Variants in PALS2 observed in about 807,000 individuals in gnomAD.
The protein encoded by PALS2 is protein PALS2.
Under a neutral mutation model 61.6 loss-of-function variants are expected in PALS2, and 27 were observed. The observed-to-expected ratio is 0.44, with a 90% confidence interval of 0.32 to 0.60. The LOEUF (loss-of-function observed/expected upper bound fraction) is 0.60. Among genes scored for constraint, PALS2 ranks in the 20% least tolerant of loss-of-function variants. PALS2 has a pLI of 0.05. For missense variants in PALS2, 554 were observed against 639.4 expected, an observed-to-expected ratio of 0.87 and a Z score of 1.44; for synonymous variants, 236 against 218.6, an observed-to-expected ratio of 1.08 and a Z score of -0.70.
Position 24,641,733 on chromosome 7 carries a change from A to C in PALS2, c.135A>C (p.Glu45Asp), listed in dbSNP as rs1383196417. Residue 45 changes from glutamate (E) to aspartate (D), a missense_variant, in exon 3 of 12, where the codon GAA becomes GAC. By Grantham distance (45) the Glu-to-Asp change is conservative. Coordinates refer to ENST00000222644, the MANE Select transcript of PALS2 (RefSeq NM_001303037.2). ...TTTTTCAGGCTCATGAGAGGCTAGA[A>C]GATTCCAAACTAGAAGCTGTCAGTG... ...KSLAKAHERL[E>D]DSKLEAVSDN... The C allele has an allele frequency of 2.5e-6, 4 of 1,610,694 alleles. No individual in the cohort carries two copies. In the Admixed American group the frequency reaches 5.0e-5, roughly 20 times the overall value.
intron 1 of PALS2, among the ~76,000 whole-genome samples, chr7:24,594,863 T>C (rs557960491): frequency 6.6e-6 from 1 of 152,198 alleles, no homozygotes; most frequent in East Asian, 1.9e-4. Flanking sequence ...ACTGGCATAA[T>C]AGTAATGAAA....
rs139565554 is a variant in PALS2, at chr7:24,595,228, A to G, written c.-3+21635A>G. 4.9e-3 allele frequency among the ~76,000 whole-genome samples: 735 copies of G among 151,542 alleles called. 8 individuals are homozygous for G. Among genetic ancestry groups the G allele is most frequent in the African/African-American group, 0.017 (697 of 41,340 alleles). ...GATCAAACAGCTATTCATTGTTGCT[A>G]TTAAGATAGGCAATACGGGAGGAAG... On this transcript the variant is annotated intron_variant, in intron 1 of 11. Transcript: ENST00000222644.
At chr7:24,627,214 A>G (rs766346669) in intron 2 of PALS2, among the ~76,000 whole-genome samples, 222 of 152,350 alleles carry the variant, frequency 1.5e-3, no homozygotes, top group Admixed American at 2.0e-3. Context: ...TAAGAAACTC[A>G]AAACCATACA....
rs534633143 is a variant in PALS2 at position 24,617,555 on chromosome 7, C to T, written c.-2-6111C>T. ...TTGAAAAAACTTAGAGTATTGGTTG[C>T]GTGGGGTGCATTCACTTTGTTTTTA... On this transcript the variant is annotated intron_variant, in intron 1 of 11. Coordinates refer to ENST00000222644, the MANE Select transcript of PALS2 (RefSeq NM_001303037.2). Among the ~76,000 whole-genome samples, 11 of 152,260 alleles carry T rather than the reference C, an allele frequency of 7.2e-5. No individual in the cohort carries two copies. The East Asian group carries it at 1.9e-3, about 27-fold the overall frequency.
chr7:24,639,417 C>T (rs2128069416), intron 2 of PALS2, among the ~76,000 whole-genome samples: 1 of 152,040 alleles, frequency 6.6e-6, no homozygotes, highest in East Asian at 1.9e-4. Context: ...CACACACACA[C>T]ACACACACAC....
intron 1 of PALS2, among the ~76,000 whole-genome samples, chr7:24,584,361 G>T (rs1252788005): frequency 2.0e-5 from 3 of 150,586 alleles, no homozygotes; most frequent in Non-Finnish European, 4.4e-5. Context: ...ATTCTAACTG[G>T]TGTGAGATGG....
intron 11 of PALS2, among the ~76,000 whole-genome samples, chr7:24,686,788 A>T (rs1788227468): frequency 6.6e-6 from 1 of 152,234 alleles, no homozygotes; most frequent in African/African-American, 2.4e-5. Context: ...TGAAATTCAA[A>T]ACACCATCTT....
chr7:24,588,644 T>A (rs1478115495), intron 1 of PALS2, among the ~76,000 whole-genome samples: 1 of 152,226 alleles, frequency 6.6e-6, no homozygotes, highest in Non-Finnish European at 1.5e-5. Context: ...GGAGTTCTTT[T>A]AGAATGATTT....
chr7:24,619,870 C>T (rs1784429934), intron 1 of PALS2, among the ~76,000 whole-genome samples: 1 of 152,068 alleles, frequency 6.6e-6, no homozygotes, highest in Non-Finnish European at 1.5e-5. Flanking sequence ...TCCTTTCTTC[C>T]CGAAATCTCT....
chr7:24,633,484 G>C (rs2529087), intron 2 of PALS2, among the ~76,000 whole-genome samples: 128,769 of 139,028 alleles, frequency 0.93, 59,750 homozygotes, highest in East Asian at 1. Context: ...CCACCCCGAT[G>C]TTTCAGTATT....
chr7:24,575,754 T>C (rs544628268), intron 1 of PALS2, among the ~76,000 whole-genome samples: 1 of 152,286 alleles, frequency 6.6e-6, no homozygotes, highest in Admixed American at 6.5e-5. Context: ...ACAGGATTAG[T>C]GCTAGTCAAA....
intron 3 of PALS2, among the ~76,000 whole-genome samples, chr7:24,644,048 A>T (rs1263760365): frequency 6.6e-6 from 1 of 150,752 alleles, no homozygotes; most frequent in African/African-American, 2.4e-5. Context: ...GTACCTACTG[A>T]TGAACACAAG....
At chr7:24,634,074 ATTTATT>A (rs1393961057) in intron 2 of PALS2, among the ~76,000 whole-genome samples, 1 of 151,176 alleles carries the variant, frequency 6.6e-6, no homozygotes, top group Non-Finnish European at 1.5e-5. Context: ...ATTGAGTCAT[ATTTATT>A]TTTATTATGA....
intron 7 of PALS2, 35 bp from the exon 8 acceptor site, chr7:24,665,986 A>T (rs778519578): frequency 6.4e-7 from 1 of 1,562,520 alleles, no homozygotes; most frequent in Admixed American, 1.7e-5. Context: ...ATTCTGATAT[A>T]CTGCTTAAGT....
intron 1 of PALS2, among the ~76,000 whole-genome samples, chr7:24,610,077 TAA>T (rs1784060060): frequency 6.6e-6 from 1 of 152,140 alleles, no homozygotes. Flanking sequence ...ACCCATCAAA[TAA>T]AGAGTTAACT....
intron 5 of PALS2, among the ~76,000 whole-genome samples, chr7:24,658,543 CTTTTTTTTTCTTCCAACT>C (rs1462767084): frequency 1.5e-4 from 21 of 140,270 alleles, no homozygotes; most frequent in Non-Finnish European, 3.2e-4. Flanking sequence ...TAGAAATATT[CTTTTTTTTTCTTCCAACT>C]TTTTTTTTTT....
chr7:24,648,546 G>A (rs1295401266), intron 3 of PALS2, among the ~76,000 whole-genome samples: 4 of 151,454 alleles, frequency 2.6e-5, no homozygotes, highest in African/African-American at 7.3e-5. Context: ...CACCTGCCTC[G>A]GCCTCCCAAA....
intron 10 of PALS2, 87 bp from the exon 11 acceptor site, chr7:24,680,305 G>A (rs2128032322): frequency 3.7e-6 from 5 of 1,350,982 alleles, no homozygotes; most frequent in Middle Eastern, 1.9e-4. Context: ...TAGAACAAGT[G>A]CAAACAGCCT....
At chr7:24,630,152 AAAT>A (rs1784934305) in intron 2 of PALS2, among the ~76,000 whole-genome samples, 1 of 152,260 alleles carries the variant, frequency 6.6e-6, no homozygotes, top group Admixed American at 6.5e-5. Context: ...CGGCCATAAA[AAAT>A]GATGAGTTCA....
Sources: gnomAD v4.1 joint callset for allele counts (sites outside exome capture counted in the v4.1 genomes callset) on GRCh38, gnomAD v4.1.1 for gene constraint, MANE v1.5 for transcripts, NCBI Gene and HGNC (gene_info 2026-07-23, HGNC 2026-07-21) for gene names.